SEL1L3: variants seen among roughly 807,000 people sequenced by gnomAD.
The protein encoded by SEL1L3 is protein sel-1 homolog 3.
Under a neutral mutation model 142.8 loss-of-function variants are expected in SEL1L3, and 76 were observed. The observed-to-expected ratio is 0.53, with a 90% CI of 0.44 to 0.64. SEL1L3 has a LOEUF of 0.64. Ranked by LOEUF, SEL1L3 falls within the 30% of genes least tolerant of loss-of-function variation. The pLI is 0.00. For synonymous variants in SEL1L3, 504 were observed against 519.6 expected (o/e 0.97, Z 0.41); for missense variants, 1,262 against 1,381.7 (o/e 0.91, Z 1.37).
chr4:25,793,710 T>C (rs1429081040), intron 11 of SEL1L3, among the ~76,000 whole-genome samples: 2 of 152,204 alleles, frequency 1.3e-5, no homozygotes, highest in East Asian at 1.9e-4. Flanking sequence ...ACTCAGTTTC[T>C]GCATCCATAA....
intron 11 of SEL1L3, among the ~76,000 whole-genome samples, chr4:25,794,497 A>T (rs1353113596): frequency 1.3e-5 from 2 of 152,236 alleles, no homozygotes; most frequent in African/African-American, 4.8e-5. Context: ...CATGCCAGGT[A>T]GATAGTGGTG....
intron 9 of SEL1L3, among the ~76,000 whole-genome samples, chr4:25,810,793 G>A (rs1577641412): frequency 6.6e-6 from 1 of 152,198 alleles, no homozygotes; most frequent in South Asian, 2.1e-4. Context: ...AGAAAATCAG[G>A]ATGCAGAGCA....
chr4:25,773,410 T>G (rs1295347075), intron 17 of SEL1L3: 1 of 152,154 alleles, frequency 6.6e-6, no homozygotes, highest in Non-Finnish European at 1.5e-5. Context: ...TTCATTTTAT[T>G]GTCACTCTTT....
Position 25,821,979 on chromosome 4 carries a change from T to C in SEL1L3, c.1290+17A>G, listed in dbSNP as rs1560331778. The C allele has an allele frequency of 3.7e-6, 6 of 1,611,130 alleles. No individual in the cohort carries two copies. The highest frequency in any genetic ancestry group is 5.1e-6 in the Non-Finnish European group (6 of 1,178,800). ...TCACCCAGGAGTACCGCAATCTTCC[T>C]GATCCCCTGGACTCACCTGGGCGGG... On this transcript the variant is annotated intron_variant, in intron 7 of 23. Coordinates refer to ENST00000399878, the MANE Select transcript of SEL1L3 (RefSeq NM_015187.5).
At chr4:25,800,179 T>C (rs569625202) in intron 11 of SEL1L3, among the ~76,000 whole-genome samples, 1 of 152,344 alleles carries the variant, frequency 6.6e-6, no homozygotes, top group African/African-American at 2.4e-5. Context: ...GGGTCCTTGG[T>C]TTGTTAATTA....
At chr4:25,834,843 G>A (rs1215792563) in intron 3 of SEL1L3, among the ~76,000 whole-genome samples, 1 of 152,192 alleles carries the variant, frequency 6.6e-6, no homozygotes, top group East Asian at 1.9e-4. Context: ...ATTTCAAACA[G>A]CTCGTCCAAT....
chr4:25,750,578 G>T (rs569831223), intron 23 of SEL1L3, among the ~76,000 whole-genome samples: 5 of 152,172 alleles, frequency 3.3e-5, no homozygotes, highest in Non-Finnish European at 7.3e-5. Flanking sequence ...TCTGGATCTA[G>T]CAGGGACCAG....
intron 12 of SEL1L3, among the ~76,000 whole-genome samples, chr4:25,789,286 T>C (rs1033582281): frequency 6.6e-6 from 1 of 152,106 alleles, no homozygotes; most frequent in Non-Finnish European, 1.5e-5. Flanking sequence ...GGGAGACCTG[T>C]TATAGAAGAG....
chr4:25,857,381 C>T (rs1023938432), intron 1 of SEL1L3, among the ~76,000 whole-genome samples: 17 of 152,184 alleles, frequency 1.1e-4, no homozygotes, highest in African/African-American at 4.1e-4. Flanking sequence ...TATGCTGTTT[C>T]TTCCCAACTT....
Position 25,800,885 on chromosome 4 carries a change from C to T in SEL1L3, c.1956+1398G>A, listed in dbSNP as rs191955649. The stretch of plus-strand genomic sequence containing the variant: ...TGACAGCATATCTTCAAGTCATTTA[C>T]TTCATAGCCACCCAGTAGCCACTCT... On this transcript the variant is annotated intron_variant, in intron 11 of 23. Transcript: ENST00000399878. 2.2e-3 allele frequency among the ~76,000 whole-genome samples: 335 copies of T among 152,324 alleles called. 2 individuals carry two copies. Among genetic ancestry groups the T allele is most frequent in the African/African-American group, 7.8e-3 (324 of 41,584 alleles).
intron 12 of SEL1L3, among the ~76,000 whole-genome samples, chr4:25,789,830 A>G (rs759244538): frequency 6.6e-6 from 1 of 152,040 alleles, no homozygotes; most frequent in Non-Finnish European, 1.5e-5. Flanking sequence ...TTCATAGTGA[A>G]ATCAAAGCAG....
At chr4:25,858,784 C>T (rs1299994749) in intron 1 of SEL1L3, among the ~76,000 whole-genome samples, 1 of 152,092 alleles carries the variant, frequency 6.6e-6, no homozygotes, top group Non-Finnish European at 1.5e-5. Context: ...TGGGGTTTCA[C>T]CATGTTGGCC....
upstream of SEL1L3, chr4:25,863,436 CT>C (rs1362728354): frequency 1.4e-6 from 1 of 700,872 alleles, no homozygotes; most frequent in Non-Finnish European, 2.6e-6. Context: ...CCACCCACCC[CT>C]TTTGCGGGTC....
In SEL1L3 at chr4:25,747,773, T is replaced by G. The variant is rs1717333502; in HGVS notation, c.*652A>C. Reference sequence around the variant, plus strand: ...TAAATGTAATTTCATGGATTGCAATTGAAATGTAAAAGATATCCGACAATG... The same window carrying G: ...TAAATGTAATTTCATGGATTGCAATGGAAATGTAAAAGATATCCGACAATG... On this transcript the variant is annotated 3_prime_UTR_variant, in exon 24 of 24. Transcript: ENST00000399878. 6.6e-6 allele frequency: 1 copy of G among 152,620 alleles called. No homozygotes were observed. Among genetic ancestry groups the G allele is most frequent in the Non-Finnish European group, 1.5e-5 (1 of 68,054 alleles). 9.5% of individuals were successfully genotyped at this position (152,620 alleles called of 1,614,324 possible).
chr4:25,815,864 T>C (rs1193069582), intron 9 of SEL1L3, among the ~76,000 whole-genome samples: 1 of 134,760 alleles, frequency 7.4e-6, no homozygotes, highest in Non-Finnish European at 1.7e-5. Context: ...AGAGGAGGGA[T>C]ATTGGGGGGG....
intron 11 of SEL1L3, among the ~76,000 whole-genome samples, chr4:25,794,855 C>A (rs1170777573): frequency 2.0e-5 from 3 of 152,094 alleles, no homozygotes; most frequent in Non-Finnish European, 2.9e-5. Context: ...TACATATACA[C>A]CATGAAATAC....
At chr4:25,861,799 A>T (rs1717725855) in intron 1 of SEL1L3, 1 of 152,134 alleles carries the variant, frequency 6.6e-6, no homozygotes, top group South Asian at 2.1e-4. Context: ...CCTTCTGTAA[A>T]TTTACTATTG....
At chr4:25,782,616 C>T (rs951683797) in intron 14 of SEL1L3, among the ~76,000 whole-genome samples, 198 bp from the exon 15 acceptor site, 4 of 152,146 alleles carry the variant, frequency 2.6e-5, no homozygotes, top group African/African-American at 9.7e-5. Context: ...GTGTGTTTCA[C>T]CCGACTGCTG....
In SEL1L3 at chr4:25,833,502, A is replaced by G. The variant is rs768778942; in HGVS notation, c.928T>C (p.Phe310Leu). 6.2e-7 allele frequency: 1 copy of G among 1,613,094 alleles called. No individual in the cohort carries two copies. The highest frequency in any genetic ancestry group is 1.7e-5 in the Admixed American group (1 of 60,018). The change falls in exon 4 of 24, where the codon TTT (phenylalanine) becomes CTT (leucine). Residue 310 changes from phenylalanine to leucine, a missense_variant. Physicochemically the swap from Phe to Leu is conservative, Grantham distance 22. This residue lies in a region of SEL1L3 where 689 missense variants were observed against 692.8 expected (regional missense o/e 0.99). Coordinates refer to ENST00000399878, the MANE Select transcript of SEL1L3 (RefSeq NM_015187.5). Reference sequence around the variant, plus strand: ...CCGTACATCTCATTAGAGTCAACAAAGTACAGAATCCCACAGAGGTTGGCC... The same window carrying G: ...CCGTACATCTCATTAGAGTCAACAAGGTACAGAATCCCACAGAGGTTGGCC... The part of the protein sequence containing the change: ...CKANLCGILY[F>L]VDSNEMYGTP...
Sources: allele counts gnomAD v4.1 joint callset (sites outside exome capture counted in the v4.1 genomes callset), GRCh38; gene constraint gnomAD v4.1.1; regional missense constraint gnomAD v4.1.1; transcripts MANE v1.5; gene names NCBI Gene and HGNC (gene_info 2026-07-23, HGNC 2026-07-21).